LARP1B: variants seen among roughly 807,000 people sequenced by gnomAD.
LARP1B encodes la-related protein 1B.
In LARP1B, 76 loss-of-function variants were observed where a neutral mutation model predicts 114.2. The observed-to-expected ratio is 0.67, with a 90% CI of 0.55 to 0.81. LARP1B has a LOEUF of 0.81. LARP1B is among the 30% of genes least tolerant of loss of function. The probability of loss-of-function intolerance (pLI) is 0.00; values close to 1 mark genes in which losing one functional copy is unlikely to be tolerated. For synonymous variants in LARP1B, 345 were observed against 348.0 expected, an observed-to-expected ratio of 0.99 and a Z score of 0.10; for missense variants, 1,014 against 1,075.8, an observed-to-expected ratio of 0.94 and a Z score of 0.80.
At chr4:128,207,407 A>T in intron 19 of LARP1B, 24 bp downstream of exon 19, 1 of 1,415,472 alleles carries the variant, frequency 7.1e-7, no homozygotes, top group East Asian at 2.6e-5. Flanking sequence ...CATTTCCTCT[A>T]TTCTTTTTAT....
At chr4:128,107,401 A>T (rs1005528637) in intron 9 of LARP1B, 88 bp downstream of exon 9, 1 of 1,532,850 alleles carries the variant, frequency 6.5e-7, no homozygotes, top group African/African-American at 1.4e-5. Flanking sequence ...CAGTTTATTT[A>T]GATTTGATAG....
intron 4 of LARP1B, among the ~76,000 whole-genome samples, chr4:128,080,063 C>A (rs1362040910): frequency 2.0e-5 from 3 of 151,248 alleles, no homozygotes; most frequent in Admixed American, 6.6e-5. Flanking sequence ...CAGCTCACTG[C>A]AACCTCTGCC....
Position 128,155,939 on chromosome 4 carries a change from G to A in LARP1B, c.1525-6255G>A. ...GAAGGAGCCAAGGAGGGGTACACAG[G>A]CGGTACCAGCGGCACCAGCAGCCCG... On this transcript the variant is annotated intron_variant, in intron 11 of 19. Coordinates refer to ENST00000326639, the MANE Select transcript of LARP1B (RefSeq NM_018078.4). 2.0e-6 allele frequency: 3 copies of A among 1,525,128 alleles called. No homozygotes were observed. In the South Asian group the frequency reaches 3.4e-5, roughly 17 times the overall value. 94.5% of individuals were successfully genotyped at this position (1,525,128 alleles called of 1,614,324 possible).
chr4:128,100,069 C>T (rs866716450), intron 8 of LARP1B, among the ~76,000 whole-genome samples: 9 of 151,998 alleles, frequency 5.9e-5, no homozygotes, highest in African/African-American at 2.2e-4. Context: ...AAGCAATTCT[C>T]CTGCCTCAGC....
At chr4:128,157,855 G>A (rs886370883) in intron 11 of LARP1B, among the ~76,000 whole-genome samples, 7 of 152,106 alleles carry the variant, frequency 4.6e-5, no homozygotes, top group Non-Finnish European at 8.8e-5. Flanking sequence ...ATTTGCAGCA[G>A]ATCTGCTTTA....
intron 9 of LARP1B, among the ~76,000 whole-genome samples, chr4:128,109,075 A>G (rs114407302): frequency 2.4e-3 from 364 of 152,324 alleles, no homozygotes; most frequent in Middle Eastern, 0.01. Flanking sequence ...TCTTAGAATT[A>G]TGCTGATTCA....
chr4:128,082,412 C>T (rs1335266217), intron 5 of LARP1B, 107 bp downstream of exon 5: 2 of 973,964 alleles, frequency 2.1e-6, no homozygotes, highest in Non-Finnish European at 3.1e-6. Flanking sequence ...TTGAAGACAT[C>T]ATGTCCCTTT....
At chr4:128,183,682 A>T (rs960850695) in intron 15 of LARP1B, among the ~76,000 whole-genome samples, 1 of 152,192 alleles carries the variant, frequency 6.6e-6, no homozygotes, top group African/African-American at 2.4e-5. Context: ...GAATATTCAT[A>T]TATAGTATAT....
intron 4 of LARP1B, among the ~76,000 whole-genome samples, chr4:128,081,113 C>G (rs1414935306): frequency 6.9e-6 from 1 of 145,430 alleles, no homozygotes; most frequent in African/African-American, 2.6e-5. Context: ...ACTCTCGTCT[C>G]TGTCACCCAG....
intron 12 of LARP1B, among the ~76,000 whole-genome samples, chr4:128,164,896 T>C (rs1561463938): frequency 6.6e-6 from 1 of 152,006 alleles, no homozygotes; most frequent in African/African-American, 2.4e-5. Context: ...GGTGTAGTCA[T>C]ACGTAGGAAA....
At chr4:128,188,755 T>C (rs530535515) in intron 15 of LARP1B, among the ~76,000 whole-genome samples, 1 of 152,238 alleles carries the variant, frequency 6.6e-6, no homozygotes, top group Non-Finnish European at 1.5e-5. Flanking sequence ...TTTATTAATC[T>C]GTTGATCATT....
At chr4:128,199,281 A>G (rs1043772768) in intron 15 of LARP1B, among the ~76,000 whole-genome samples, 158 bp from the exon 16 acceptor site, 1 of 152,234 alleles carries the variant, frequency 6.6e-6, no homozygotes, top group Non-Finnish European at 1.5e-5. Context: ...AAATAGCACT[A>G]TATGCAGATC....
At chr4:128,152,818 CCAG>C (rs1430147018) in intron 11 of LARP1B, among the ~76,000 whole-genome samples, 3 of 151,982 alleles carry the variant, frequency 2.0e-5, no homozygotes, top group African/African-American at 7.2e-5. Flanking sequence ...CTGCTTATAA[CCAG>C]CATGTTGTCA....
In LARP1B at chr4:128,098,763, A is replaced by G. The variant is rs1488521188; in HGVS notation, c.813+433A>G. Among the ~76,000 whole-genome samples, 86 of 35,506 alleles carry G rather than the reference A, an allele frequency of 2.4e-3. 7 individuals carry two copies. The highest frequency in any genetic ancestry group is 9.1e-3 in the African/African-American group (83 of 9,140). The allele number at this position is 35,506 out of a possible 152,430, so 23.3% of individuals were successfully genotyped here. A position where few individuals can be genotyped will look rare whatever the true frequency, so the allele number is the denominator to read the frequency against. ...TATGTATGTGTATATATATATATATATATATTTTTTTTTTTTTTTTTTTTT... is the reference window on the plus strand; with the variant it reads ...TATGTATGTGTATATATATATATATGTATATTTTTTTTTTTTTTTTTTTTT... On this transcript the variant is annotated intron_variant, in intron 8 of 19. Transcript: ENST00000326639.
At chr4:128,169,915 G>C (rs541422298) in intron 12 of LARP1B, among the ~76,000 whole-genome samples, 2 of 152,078 alleles carry the variant, frequency 1.3e-5, no homozygotes, top group African/African-American at 2.4e-5. Flanking sequence ...GGGATTACAG[G>C]CATGAGCCAT....
intron 11 of LARP1B, chr4:128,155,486 A>C: frequency 1.3e-6 from 1 of 784,822 alleles, no homozygotes; most frequent in Non-Finnish European, 2.3e-6. Flanking sequence ...GCAGCCCAGC[A>C]GAAGTTCCAC....
chr4:128,157,425 C>T (rs550599052), intron 11 of LARP1B, among the ~76,000 whole-genome samples: 11 of 151,994 alleles, frequency 7.2e-5, no homozygotes, highest in Non-Finnish European at 1.3e-4. Context: ...GAGAATAAAG[C>T]GTAAGTAATA....
At chr4:128,109,267 A>G (rs1783161293) in intron 9 of LARP1B, among the ~76,000 whole-genome samples, 1 of 152,208 alleles carries the variant, frequency 6.6e-6, no homozygotes, top group African/African-American at 2.4e-5. Context: ...ATATGTATCT[A>G]TGAGTAGAGA....
rs1398007671 is a variant in LARP1B, at chr4:128,112,895, G to A, written c.989-1675G>A. Among the ~76,000 whole-genome samples, 4 of 152,136 alleles carry A rather than the reference G, an allele frequency of 2.6e-5. No individual in the cohort carries two copies. In the East Asian group the frequency reaches 5.8e-4, roughly 22 times the overall value. ...CCTGGTTGAGTCCATGTGTCCAAGG[G>A]GAAGATATTAAAGCTATCTGATTTT... On this transcript the variant is annotated intron_variant, in intron 9 of 19. Coordinates refer to ENST00000326639, the MANE Select transcript of LARP1B (RefSeq NM_018078.4).
Sources: allele counts gnomAD v4.1 joint callset (sites outside exome capture counted in the v4.1 genomes callset), GRCh38; gene constraint gnomAD v4.1.1; transcripts MANE v1.5; gene names NCBI Gene and HGNC (gene_info 2026-07-23, HGNC 2026-07-21).